The following TMEM209 variants were observed in gnomAD, a reference collection of about 807,000 sequenced individuals.
TMEM209 encodes the protein testicular tissue protein Li 202.
TMEM209 carries 65 observed loss-of-function variants against 76.2 expected under a neutral mutation model. The observed-to-expected ratio is 0.85, with a 90% confidence interval of 0.70 to 1.05. TMEM209 has a LOEUF of 1.05. Ranked by LOEUF, TMEM209 falls within the 50% of genes least tolerant of loss-of-function variation. The probability of loss-of-function intolerance (pLI) is 0.00; values close to 1 mark genes in which losing one functional copy is unlikely to be tolerated. For missense variants in TMEM209, 623 were observed against 685.5 expected (o/e 0.91, Z 1.02); for synonymous variants, 239 against 237.6 (o/e 1.01, Z -0.06).
chr7:130,200,804 A>G (rs1798162627), intron 5 of TMEM209, among the ~76,000 whole-genome samples: 1 of 152,172 alleles, frequency 6.6e-6, no homozygotes, highest in South Asian at 2.1e-4. Flanking sequence ...ATATTGGATA[A>G]CCAGTAGTAT....
intron 6 of TMEM209, among the ~76,000 whole-genome samples, chr7:130,187,077 T>C (rs1325570733): frequency 3.3e-5 from 5 of 152,008 alleles, no homozygotes; most frequent in Admixed American, 2.6e-4. Context: ...ACCCTGTCTC[T>C]ACTAAAAATA....
At chr7:130,181,899 G>T in intron 8 of TMEM209, 180 bp from the exon 9 acceptor site, 1 of 508,314 alleles carries the variant, frequency 2.0e-6, no homozygotes, top group East Asian at 3.4e-5. Flanking sequence ...TCAAGAGATG[G>T]TTAAATAAAT....
At chr7:130,176,617 C>T (rs1181727205) in intron 10 of TMEM209, among the ~76,000 whole-genome samples, 1 of 151,850 alleles carries the variant, frequency 6.6e-6, no homozygotes, top group Non-Finnish European at 1.5e-5. Context: ...CATAGGGATG[C>T]ATTCAGCAAA....
chr7:130,184,150 C>G, intron 8 of TMEM209, 34 bp downstream of exon 8: 1 of 1,441,526 alleles, frequency 6.9e-7, no homozygotes, highest in African/African-American at 1.4e-5. Flanking sequence ...TTAAGAGGCA[C>G]TAATATTGTC....
At chr7:130,187,316 T>C (rs1378692556) in intron 6 of TMEM209, among the ~76,000 whole-genome samples, 1 of 149,996 alleles carries the variant, frequency 6.7e-6, no homozygotes, top group Non-Finnish European at 1.5e-5. Context: ...TGCAAAAAAG[T>C]AAGGCTATGA....
rs766149383 is a variant in TMEM209, at chr7:130,166,053, TAA to T, written c.*396_*397del. The T allele has an allele frequency of 1.4e-4, 20 of 139,342 alleles. No homozygotes were observed. Among genetic ancestry groups the T allele is most frequent in the East Asian group, 8.1e-4 (4 of 4,918 alleles). 8.6% of individuals were successfully genotyped at this position (139,342 alleles called of 1,614,324 possible). ...AGTCTGCGTTGACAGAGACCCTCTC[TAA>T]AAAAAAAAAAGACTGAAAAAAATTT... is the stretch of plus-strand genomic sequence containing the variant. On this transcript the variant is annotated 3_prime_UTR_variant, in exon 15 of 15. Transcript: ENST00000397622.
At chr7:130,171,884 T>A (rs1797079554) in intron 13 of TMEM209, among the ~76,000 whole-genome samples, 1 of 151,966 alleles carries the variant, frequency 6.6e-6, no homozygotes, top group Admixed American at 6.6e-5. Context: ...ACAAAAAAAA[T>A]TAGCCAAGCG....
intron 9 of TMEM209, among the ~76,000 whole-genome samples, chr7:130,179,705 T>C (rs566134568): frequency 7.2e-5 from 11 of 152,146 alleles, no homozygotes; most frequent in South Asian, 2.1e-4. Context: ...TCCAGATGCA[T>C]TGGCTCATGT....
chr7:130,192,693 T>C lies in TMEM209; in HGVS notation c.704A>G (p.Tyr235Cys). The C allele has an allele frequency of 1.2e-6, 2 of 1,613,862 alleles. No homozygotes were observed. Among genetic ancestry groups the C allele is most frequent in the Non-Finnish European group, 1.7e-6 (2 of 1,179,768 alleles). Residue 235 changes from tyrosine to cysteine, a missense_variant, in exon 6 of 15, where the codon TAC becomes TGC. Coordinates refer to ENST00000397622, the MANE Select transcript of TMEM209 (RefSeq NM_032842.4). ...ATCCAAAGTTCGTAGGTCGGTCATGTAGTCTTCTTTGTCAGTAGGTGAGTT... is the reference window on the plus strand; with the variant it reads ...ATCCAAAGTTCGTAGGTCGGTCATGCAGTCTTCTTTGTCAGTAGGTGAGTT... Reference protein sequence around the residue: ...VYNSPTDKEDYMTDLRTLDTF... With the variant: ...VYNSPTDKEDCMTDLRTLDTF...
intron 11 of TMEM209, 92 bp from the exon 12 acceptor site, chr7:130,174,031 C>A: frequency 4.8e-5 from 40 of 832,820 alleles, no homozygotes; most frequent in South Asian, 1.4e-4. Flanking sequence ...TATAACGATT[C>A]CAATTAAAAA....
At chr7:130,202,771 T>TA in intron 3 of TMEM209, 108 bp from the exon 4 acceptor site, 2 of 1,229,684 alleles carry the variant, frequency 1.6e-6, no homozygotes, top group Non-Finnish European at 2.2e-6. Flanking sequence ...TTATTCCTCA[T>TA]AAAAACTATA....
chr7:130,183,926 G>C (rs1193749987), intron 8 of TMEM209, among the ~76,000 whole-genome samples: 1 of 152,054 alleles, frequency 6.6e-6, no homozygotes, highest in Non-Finnish European at 1.5e-5. Context: ...ACTGAAAAGG[G>C]AGGATCTCAA....
Position 130,202,682 on chromosome 7 carries a change from T to G in TMEM209, c.200-19A>C, listed in dbSNP as rs999484760. On this transcript the variant is annotated intron_variant, in intron 3 of 14. Transcript: ENST00000397622. ...GCAAGCTCTGGAAGAGAACAATTTTTTTTTAATAAGGGGGGTGAGGAGGGC... is the reference window on the plus strand; with the variant it reads ...GCAAGCTCTGGAAGAGAACAATTTTGTTTTAATAAGGGGGGTGAGGAGGGC... 1.2e-6 allele frequency: 2 copies of G among 1,605,950 alleles called. No homozygotes were observed. Among genetic ancestry groups the G allele is most frequent in the African/African-American group, 2.7e-5 (2 of 74,490 alleles).
rs192100390 is a variant in TMEM209, at chr7:130,195,773, T to C, written c.574-2950A>G. ...GAACTATTTTGTGCTTTAAGTTTTA[T>C]TACATTCTGTAAAGTGAAATAGGTA... is the stretch of plus-strand genomic sequence containing the variant. On this transcript the variant is annotated intron_variant, in intron 5 of 14. Coordinates refer to ENST00000397622, the MANE Select transcript of TMEM209 (RefSeq NM_032842.4). 1.4e-3 allele frequency among the ~76,000 whole-genome samples: 218 copies of C among 152,298 alleles called. 4 individuals are homozygous for C. Among genetic ancestry groups the C allele is most frequent in the Non-Finnish European group, 5.6e-4 (38 of 67,980 alleles).
In TMEM209 at chr7:130,173,696, T is replaced by C. The variant is rs1194743494; in HGVS notation, c.1493A>G (p.Gln498Arg). ...ATAATGGGGAGGGTTGATAGCACTC[T>C]GATAAATGCAAAAAACATTCTCATT... ...VTNENVFCIY[Q>R]SAINPPHYEL... is the part of the protein sequence containing the mutation. Residue 498 changes from glutamine to arginine, a missense_variant, in exon 13 of 15, where the codon CAG becomes CGG. Physicochemically the swap from Gln to Arg is conservative, Grantham distance 43. Transcript: ENST00000397622. 2 of 1,613,862 alleles carry C rather than the reference T, an allele frequency of 1.2e-6. No individual in the cohort carries two copies. The highest frequency in any genetic ancestry group is 1.3e-5 in the African/African-American group (1 of 75,058).
chr7:130,201,718 G>T, intron 5 of TMEM209, 132 bp downstream of exon 5: 2 of 1,113,748 alleles, frequency 1.8e-6, no homozygotes, highest in African/African-American at 1.6e-5. Context: ...TTCTATTCTC[G>T]GTTTTTAAAT....
chr7:130,170,824 GGAAA>G (rs1294930982), intron 13 of TMEM209, among the ~76,000 whole-genome samples: 1 of 151,836 alleles, frequency 6.6e-6, no homozygotes, highest in Non-Finnish European at 1.5e-5. Flanking sequence ...CCTCCCTGAG[GGAAA>G]GATTTTTTTT....
At chr7:130,174,042 A>G in intron 11 of TMEM209, 103 bp from the exon 12 acceptor site, 1 of 763,318 alleles carries the variant, frequency 1.3e-6, no homozygotes, top group South Asian at 1.9e-5. Flanking sequence ...CAATTAAAAA[A>G]TTTTTTCTCT....
chr7:130,179,304 T>C lies in TMEM209; in HGVS notation c.1121-777A>G, dbSNP rs6976422. Among the ~76,000 whole-genome samples the C allele has an allele frequency of 4.9e-3, 752 of 152,214 alleles. 8 individuals carry two copies. Among genetic ancestry groups the C allele is most frequent in the African/African-American group, 0.017 (715 of 41,532 alleles). ...TTACCTAGAACCATTCCCAGCAAGA[T>C]AGCCAGATTTACACATGCAACACCC... On this transcript the variant is annotated intron_variant, in intron 9 of 14. Coordinates refer to ENST00000397622, the MANE Select transcript of TMEM209 (RefSeq NM_032842.4).
Sources: gnomAD v4.1 joint callset for allele counts (sites outside exome capture counted in the v4.1 genomes callset) on GRCh38, gnomAD v4.1.1 for gene constraint, MANE v1.5 for transcripts, NCBI Gene and HGNC (gene_info 2026-07-23, HGNC 2026-07-21) for gene names.